Variants in UBE2E2 observed in about 807,000 individuals in gnomAD.
UBE2E2 encodes ubiquitin-conjugating enzyme E2 E2.
In UBE2E2, 6 loss-of-function variants were observed where a neutral mutation model predicts 24.7. That is an observed-to-expected ratio of 0.24 (90% CI 0.13 to 0.48). The LOEUF (loss-of-function observed/expected upper bound fraction) is 0.48, where lower values mean the gene tolerates loss of function less well. UBE2E2 is among the 20% of genes least tolerant of loss of function. UBE2E2 has a pLI of 0.99. For synonymous variants in UBE2E2, 104 were observed against 83.6 expected, an observed-to-expected ratio of 1.24 and a Z score of -1.33; for missense variants, 169 against 245.0, an observed-to-expected ratio of 0.69 and a Z score of 2.07.
At chr3:23,266,498 T>G (rs918688860) in intron 3 of UBE2E2, among the ~76,000 whole-genome samples, 1 of 152,186 alleles carries the variant, frequency 6.6e-6, no homozygotes, top group Non-Finnish European at 1.5e-5. Context: ...GTAGAGTTTC[T>G]GCCGAGAGAT....
intron 3 of UBE2E2, among the ~76,000 whole-genome samples, chr3:23,346,968 T>C (rs1275602718): frequency 6.6e-6 from 1 of 152,214 alleles, no homozygotes; most frequent in Admixed American, 6.5e-5. Context: ...GAAGTGGAAT[T>C]ATTCTCTATG....
chr3:23,243,404 C>T (rs868619867), intron 3 of UBE2E2, among the ~76,000 whole-genome samples: 1 of 152,176 alleles, frequency 6.6e-6, no homozygotes, highest in Non-Finnish European at 1.5e-5. Flanking sequence ...ATCTCTGAGC[C>T]TCAGTGTTCC....
intron 1 of UBE2E2, among the ~76,000 whole-genome samples, chr3:23,207,284 T>C (rs993543119): frequency 2.0e-5 from 3 of 152,212 alleles, no homozygotes; most frequent in African/African-American, 7.2e-5. Flanking sequence ...TGGAATTGTT[T>C]GTGTCTGCTG....
At chr3:23,478,896 A>ATATTTTTT (rs1192241310) in intron 3 of UBE2E2, among the ~76,000 whole-genome samples, 1 of 120,448 alleles carries the variant, frequency 8.3e-6, no homozygotes, top group African/African-American at 2.7e-5. Context: ...ATATATATAT[A>ATATTTTTT]TTTTTTTTTT....
At chr3:23,306,475 A>G (rs998399017) in intron 3 of UBE2E2, among the ~76,000 whole-genome samples, 2 of 152,252 alleles carry the variant, frequency 1.3e-5, no homozygotes, top group Non-Finnish European at 2.9e-5. Context: ...ATGTCTAAGT[A>G]TCAAACGAGT....
At chr3:23,381,896 T>C (rs1696678986) in intron 3 of UBE2E2, among the ~76,000 whole-genome samples, 1 of 152,176 alleles carries the variant, frequency 6.6e-6, no homozygotes, top group Non-Finnish European at 1.5e-5. Context: ...TGGAGAAGGA[T>C]GTAGACTGAG....
chr3:23,212,709 T>G (rs903181066), intron 2 of UBE2E2, among the ~76,000 whole-genome samples: 6 of 152,238 alleles, frequency 3.9e-5, no homozygotes. Flanking sequence ...CACATGAGAA[T>G]GAAATAGTAC....
At chr3:23,359,113 C>T (rs552398523) in intron 3 of UBE2E2, among the ~76,000 whole-genome samples, 1 of 152,164 alleles carries the variant, frequency 6.6e-6, no homozygotes, top group African/African-American at 2.4e-5. Flanking sequence ...TGAACATTAC[C>T]TTTTTTCAGA....
At chr3:23,326,550 G>T (rs1286027537) in intron 3 of UBE2E2, among the ~76,000 whole-genome samples, 1 of 152,084 alleles carries the variant, frequency 6.6e-6, no homozygotes, top group Admixed American at 6.5e-5. Flanking sequence ...TCTGTCCCTT[G>T]CCTTTTTCTA....
chr3:23,480,927 G>A (rs1204377118), intron 3 of UBE2E2, among the ~76,000 whole-genome samples: 2 of 152,172 alleles, frequency 1.3e-5, no homozygotes, highest in Non-Finnish European at 2.9e-5. Context: ...CTTTGATTTA[G>A]GGGGACATCC....
chr3:23,342,509 G>A (rs1695422902), intron 3 of UBE2E2, among the ~76,000 whole-genome samples: 1 of 152,158 alleles, frequency 6.6e-6, no homozygotes, highest in Admixed American at 6.5e-5. Flanking sequence ...TAGTCTCTAT[G>A]AGATTGTGTG....
chr3:23,350,637 T>G (rs998408882), intron 3 of UBE2E2, among the ~76,000 whole-genome samples: 17 of 152,058 alleles, frequency 1.1e-4, no homozygotes, highest in African/African-American at 2.9e-4. Flanking sequence ...AGGGTATCAG[T>G]GATGGAAGAC....
Position 23,450,991 on chromosome 3 carries a change from C to G in UBE2E2, c.228-48617C>G, listed in dbSNP as rs183621454. Among the ~76,000 whole-genome samples the G allele has an allele frequency of 8.4e-3, 1,278 of 152,330 alleles. 17 individuals carry two copies. Among genetic ancestry groups the G allele is most frequent in the African/African-American group, 0.028 (1,168 of 41,566 alleles). On this transcript the variant is annotated intron_variant, in intron 3 of 5. Coordinates refer to ENST00000396703, the MANE Select transcript of UBE2E2 (RefSeq NM_152653.4). Reference sequence around the variant, plus strand: ...ATGACTTTCCACTATTGAGCTATCACTAAAAGTTGCTGACATCATAAAATG... The same window carrying G: ...ATGACTTTCCACTATTGAGCTATCAGTAAAAGTTGCTGACATCATAAAATG...
intron 3 of UBE2E2, among the ~76,000 whole-genome samples, chr3:23,456,404 C>G (rs1261317034): frequency 1.3e-5 from 2 of 152,152 alleles, no homozygotes; most frequent in South Asian, 2.1e-4. Flanking sequence ...TTGACTTTGC[C>G]CAGATCCATC....
At chr3:23,493,517 C>T (rs1163357745) in intron 3 of UBE2E2, among the ~76,000 whole-genome samples, 1 of 152,162 alleles carries the variant, frequency 6.6e-6, no homozygotes, top group East Asian at 1.9e-4. Context: ...ACTATGAAAG[C>T]TTTAGGTTTT....
chr3:23,242,320 C>T (rs1449839546), intron 3 of UBE2E2, among the ~76,000 whole-genome samples: 1 of 151,868 alleles, frequency 6.6e-6, no homozygotes, highest in Non-Finnish European at 1.5e-5. Flanking sequence ...TAATCTGTTG[C>T]ATAGAACTTT....
intron 5 of UBE2E2, among the ~76,000 whole-genome samples, chr3:23,562,242 C>T (rs1361314461): frequency 6.6e-6 from 1 of 152,148 alleles, no homozygotes; most frequent in East Asian, 1.9e-4. Context: ...AGATACGTCC[C>T]ATCAATACCT....
chr3:23,578,904 C>T lies in UBE2E2; in HGVS notation c.509-10830C>T, dbSNP rs945700221. Among the ~76,000 whole-genome samples, 6 of 152,228 alleles carry T rather than the reference C, an allele frequency of 3.9e-5. No individual in the cohort carries two copies. In the South Asian group the frequency reaches 8.3e-4, roughly 21 times the overall value. ...TATCTGTGTAACAAACATGCACATC[C>T]TGCACATGTACCCCTGAACTTAAAA... On this transcript the variant is annotated intron_variant, in intron 5 of 5. Coordinates refer to ENST00000396703, the MANE Select transcript of UBE2E2 (RefSeq NM_152653.4).
At chr3:23,386,223 A>G (rs1055218906) in intron 3 of UBE2E2, among the ~76,000 whole-genome samples, 13 of 152,188 alleles carry the variant, frequency 8.5e-5, no homozygotes, top group Non-Finnish European at 1.8e-4. Flanking sequence ...GGGAAGTCCA[A>G]GATTGAGGCA....
Sources: gnomAD v4.1 joint callset for allele counts (sites outside exome capture counted in the v4.1 genomes callset) on GRCh38, gnomAD v4.1.1 for gene constraint, MANE v1.5 for transcripts, NCBI Gene and HGNC (gene_info 2026-07-23, HGNC 2026-07-21) for gene names.